GRM4: variants seen among roughly 807,000 people sequenced by gnomAD.
GRM4 encodes metabotropic glutamate receptor 4.
Under a neutral mutation model 81.7 loss-of-function variants are expected in GRM4, and 28 were observed. That is an observed-to-expected ratio of 0.34 (90% CI 0.25 to 0.47). GRM4 has a LOEUF of 0.47. Ranked by LOEUF, GRM4 falls within the 20% of genes least tolerant of loss-of-function variation. The pLI, the probability that GRM4 is intolerant of heterozygous loss-of-function variation, is 1.00. For synonymous variants in GRM4, 488 were observed against 528.8 expected (o/e 0.92, Z 1.06); for missense variants, 948 against 1,290.0 (o/e 0.73, Z 4.06).
chr6:34,067,425 C>CG (rs1766530121), intron 3 of GRM4, among the ~76,000 whole-genome samples: 1 of 127,658 alleles, frequency 7.8e-6, no homozygotes. Context: ...TCCCTCCGTC[C>CG]TTCCCTCCCT....
At chr6:34,038,897 G>C (rs1050004465) in intron 8 of GRM4, among the ~76,000 whole-genome samples, 5 of 152,206 alleles carry the variant, frequency 3.3e-5, no homozygotes, top group Non-Finnish European at 1.5e-5. Context: ...GGGGATAACT[G>C]CCTGCCTCAC....
rs369862805 is a variant in GRM4, at chr6:34,068,082, G to C, written c.737-6054C>G. Among the ~76,000 whole-genome samples the C allele has an allele frequency of 2.9e-4, 44 of 152,352 alleles. No individual in the cohort carries two copies. In the South Asian group the frequency reaches 8.9e-3, roughly 31 times the overall value. On this transcript the variant is annotated intron_variant, in intron 3 of 10. Coordinates refer to ENST00000538487, the MANE Select transcript of GRM4 (RefSeq NM_000841.4). This position sits in a 1 kb window ranked among gnomAD's most constrained non-coding sequence, Gnocchi z 4.2. The stretch of plus-strand genomic sequence containing the variant: ...CCGGCGCCATGCAGCCTGCGTCCCA[G>C]GGTGGGAAGGAACCGTAAACATCCT...
intron 2 of GRM4, among the ~76,000 whole-genome samples, chr6:34,106,835 T>C (rs548679576): frequency 1.7e-4 from 26 of 152,392 alleles, no homozygotes; most frequent in Admixed American, 4.6e-4. Flanking sequence ...TAAATATTAA[T>C]GACAACTACA....
At chr6:34,145,901 C>A (rs11753307) in intron 1 of GRM4, 99 bp downstream of exon 1, 367,025 of 725,938 alleles carry the variant, frequency 0.51, 100,474 homozygotes, top group Non-Finnish European at 0.55. Flanking sequence ...CCCTCCACAC[C>A]CGCCCTGCTG....
At chr6:34,083,996 G>A (rs188310706) in intron 3 of GRM4, among the ~76,000 whole-genome samples, 163 of 152,280 alleles carry the variant, frequency 1.1e-3, no homozygotes, top group African/African-American at 3.6e-3. Flanking sequence ...CTTGCCGGAC[G>A]CTTCCTTTCC....
intron 3 of GRM4, among the ~76,000 whole-genome samples, chr6:34,081,147 G>A (rs1378655222): frequency 4.6e-5 from 7 of 152,162 alleles, no homozygotes; most frequent in Non-Finnish European, 1.5e-5. Context: ...CAGAGCAAGG[G>A]CCAGTTTCGG....
intron 3 of GRM4, among the ~76,000 whole-genome samples, chr6:34,076,963 C>T (rs1398686001): frequency 6.6e-6 from 1 of 151,826 alleles, no homozygotes; most frequent in African/African-American, 2.4e-5. Flanking sequence ...TGAGTAGGGT[C>T]AGGAGAGCCT....
In GRM4 at chr6:34,078,444, C is replaced by T. The variant is rs539206553; in HGVS notation, c.736+13439G>A. ...TACAGATAAGGAAACCAAGCCCCAC[C>T]AGCCAGAGCCCAGTGCTGCGGTCCA... On this transcript the variant is annotated intron_variant, in intron 3 of 10. Transcript: ENST00000538487. This position sits in a 1 kb window ranked among gnomAD's most constrained non-coding sequence, Gnocchi z 4.8. 1.3e-5 allele frequency among the ~76,000 whole-genome samples: 2 copies of T among 152,310 alleles called. No homozygotes were observed. The highest frequency in any genetic ancestry group is 4.2e-4 in the South Asian group (2 of 4,818).
chr6:34,109,151 T>G (rs1008305114), intron 2 of GRM4, among the ~76,000 whole-genome samples: 6 of 151,968 alleles, frequency 3.9e-5, no homozygotes, highest in African/African-American at 1.2e-4. Context: ...GCCTCCCTCC[T>G]CCCCTGCCAG....
Position 34,092,136 on chromosome 6 carries a change from G to T in GRM4, c.520-37C>A. 4 of 1,412,016 alleles carry T rather than the reference G, an allele frequency of 2.8e-6. No homozygotes were observed. The highest frequency in any genetic ancestry group is 4.0e-6 in the Non-Finnish European group (4 of 1,011,002). 87.5% of individuals were successfully genotyped at this position (1,412,016 alleles called of 1,614,324 possible). A position where few individuals can be genotyped will look rare whatever the true frequency, so the allele number is the denominator to read the frequency against. The stretch of plus-strand genomic sequence containing the variant: ...GAGGGGCTGCTGAGGGTGGCGACTG[G>T]CTCCCCACCCTGCCTAGCCAGCCCC... On this transcript the variant is annotated intron_variant, in intron 2 of 10. Coordinates refer to ENST00000538487, the MANE Select transcript of GRM4 (RefSeq NM_000841.4). This position sits in a 1 kb window ranked among gnomAD's most constrained non-coding sequence, Gnocchi z 6.8.
chr6:34,088,850 C>T (rs950563814), intron 3 of GRM4, among the ~76,000 whole-genome samples: 7 of 152,190 alleles, frequency 4.6e-5, no homozygotes, highest in African/African-American at 1.7e-4. Context: ...CACAGGATTG[C>T]CCAGAGCATG....
chr6:34,076,431 A>G (rs1767316876), intron 3 of GRM4, among the ~76,000 whole-genome samples: 1 of 149,812 alleles, frequency 6.7e-6, no homozygotes, highest in South Asian at 2.1e-4. Flanking sequence ...GTGGCAGAAC[A>G]GCAAGAAATA....
rs76344647 is a variant in GRM4, at chr6:34,132,410, G to T, written c.519+568C>A. The stretch of plus-strand genomic sequence containing the variant: ...ATTCTCCAACCATAATCTCGGGTAG[G>T]GCAGGAGGGCCACAGGGAGCTTCCT... On this transcript the variant is annotated intron_variant, in intron 2 of 10. Coordinates refer to ENST00000538487, the MANE Select transcript of GRM4 (RefSeq NM_000841.4). Among the ~76,000 whole-genome samples, 629 of 152,248 alleles carry T rather than the reference G, an allele frequency of 4.1e-3. 6 individuals are homozygous for T. Among genetic ancestry groups the T allele is most frequent in the African/African-American group, 0.014 (597 of 41,528 alleles).
Position 34,132,996 on chromosome 6 carries a change from G to A in GRM4, c.501C>T (p.Asn167=). The A allele has an allele frequency of 6.2e-7, 1 of 1,607,018 alleles. No homozygotes were observed. Among genetic ancestry groups the A allele is most frequent in the Non-Finnish European group, 8.5e-7 (1 of 1,175,806 alleles). ...CACTGACCTTGAAGAGGCGAAGGAT[G>A]TTGGCCACCATGATGGAGACCGAGC... The part of the protein sequence containing the change: ...SGSSVSIMVA[N]ILRLFKIPQI... Residue 167 remains asparagine (N), a synonymous_variant, in exon 2 of 11, where the codon AAC becomes AAT. Transcript: ENST00000538487.
At chr6:34,100,014 A>C (rs922399944) in intron 2 of GRM4, 26 of 973,162 alleles carry the variant, frequency 2.7e-5, no homozygotes, top group Admixed American at 6.2e-5. Flanking sequence ...TGACTCCCTC[A>C]TTAATCAGAT....
rs568469717 is a variant in GRM4 at position 34,133,912 on chromosome 6, T to C, written c.-363-53A>G. On this transcript the variant is annotated intron_variant, in intron 1 of 10. Transcript: ENST00000538487. The surrounding 1 kb of genome is among the most constrained non-coding windows in gnomAD (Gnocchi z 6.5). ...ATCAAACAGAAGCCCAAAGAAGACATTAGCTAGTCTCATCTCTCATCAGGA... is the reference window on the plus strand; with the variant it reads ...ATCAAACAGAAGCCCAAAGAAGACACTAGCTAGTCTCATCTCTCATCAGGA... The C allele has an allele frequency of 6.9e-5, 56 of 816,236 alleles. 1 individual carries two copies. In the South Asian group the frequency reaches 2.9e-3, roughly 42 times the overall value. 50.6% of individuals were successfully genotyped at this position (816,236 alleles called of 1,614,324 possible). A position where few individuals can be genotyped will look rare whatever the true frequency, so the allele number is the denominator to read the frequency against.
intron 10 of GRM4, chr6:34,024,732 A>G (rs1224470649): frequency 2.2e-6 from 1 of 455,910 alleles, no homozygotes; most frequent in Admixed American, 2.4e-5. Context: ...AGAAAAATTC[A>G]AGCAGACGAT....
rs994014166 is a variant in GRM4, at chr6:34,092,316, C to T, written c.520-217G>A. On this transcript the variant is annotated intron_variant, in intron 2 of 10. Coordinates refer to ENST00000538487, the MANE Select transcript of GRM4 (RefSeq NM_000841.4). The surrounding 1 kb of genome is among the most constrained non-coding windows in gnomAD (Gnocchi z 6.8). The stretch of plus-strand genomic sequence containing the variant: ...CCCCAACCACACACAGATACACACA[C>T]AGGCACACACATACATACACCACAC... 6.6e-6 allele frequency among the ~76,000 whole-genome samples: 1 copy of T among 152,214 alleles called. No individual in the cohort carries two copies. The highest frequency in any genetic ancestry group is 1.5e-5 in the Non-Finnish European group (1 of 68,030).
At chr6:34,097,652 G>A (rs759420197) in intron 2 of GRM4, among the ~76,000 whole-genome samples, 5 of 152,224 alleles carry the variant, frequency 3.3e-5, no homozygotes, top group African/African-American at 4.8e-5. Flanking sequence ...AAAACCCGCT[G>A]AGGGCAGCTG....
Sources: gnomAD v4.1 joint callset for allele counts (sites outside exome capture counted in the v4.1 genomes callset) on GRCh38, gnomAD v4.1.1 for gene constraint, Gnocchi (gnomAD v3.1) non-coding constraint, MANE v1.5 for transcripts, NCBI Gene and HGNC (gene_info 2026-07-23, HGNC 2026-07-21) for gene names.